Variants in CNTN1 observed in about 807,000 individuals in gnomAD.
CNTN1 encodes the protein contactin 1.
Under a neutral mutation model 126.4 loss-of-function variants are expected in CNTN1, and 38 were observed. The observed-to-expected ratio is 0.30, with a 90% CI of 0.23 to 0.39. The LOEUF is 0.39. Among genes scored for constraint, CNTN1 ranks in the 10% least tolerant of loss-of-function variants. The pLI, the probability that CNTN1 is intolerant of heterozygous loss-of-function variation, is 1.00. For missense variants in CNTN1, 1,009 were observed against 1,248.4 expected (o/e 0.81, Z 2.89); for synonymous variants, 413 against 422.6 (o/e 0.98, Z 0.28).
chr12:40,934,631 G>A (rs993552363), intron 9 of CNTN1, among the ~76,000 whole-genome samples: 5 of 151,668 alleles, frequency 3.3e-5, no homozygotes, highest in African/African-American at 7.3e-5. Context: ...AATATTATTC[G>A]TTTTTAACTC....
chr12:40,893,940 C>T lies in CNTN1; in HGVS notation c.-76-14417C>T, dbSNP rs112056473. Among the ~76,000 whole-genome samples, 710 of 152,186 alleles carry T rather than the reference C, an allele frequency of 4.7e-3. 6 individuals carry two copies. Among genetic ancestry groups the T allele is most frequent in the African/African-American group, 0.013 (531 of 41,524 alleles). ...CGTTCAAAACTAAATTATTGGTCAA[C>T]TCACTTTCCCATCAAAACTCAAGTT... On this transcript the variant is annotated intron_variant, in intron 1 of 23. Coordinates refer to ENST00000551295, the MANE Select transcript of CNTN1 (RefSeq NM_001843.4).
intron 12 of CNTN1, among the ~76,000 whole-genome samples, chr12:40,940,186 G>A (rs754983912): frequency 5.0e-5 from 7 of 139,188 alleles, no homozygotes; most frequent in Non-Finnish European, 8.9e-5. Flanking sequence ...GAGGGTGTAT[G>A]TGAGGGTGTA....
chr12:40,827,869 C>G (rs1223709008), intron 1 of CNTN1, among the ~76,000 whole-genome samples: 2 of 152,106 alleles, frequency 1.3e-5, no homozygotes, highest in Non-Finnish European at 2.9e-5. Context: ...GATTTTAATG[C>G]ATGAATTATG....
chr12:40,974,249 G>A (rs898368878), intron 15 of CNTN1, among the ~76,000 whole-genome samples: 3 of 152,026 alleles, frequency 2.0e-5, no homozygotes, highest in Non-Finnish European at 4.4e-5. Flanking sequence ...GGAATGTATT[G>A]AATATGAATT....
chr12:40,942,081 G>GT (rs1946281184), intron 12 of CNTN1, among the ~76,000 whole-genome samples: 4 of 151,978 alleles, frequency 2.6e-5, no homozygotes, highest in Admixed American at 6.6e-5. Context: ...AATCATCATT[G>GT]TTTTTTCCAC....
chr12:40,896,860 A>C (rs1267086318), intron 1 of CNTN1, among the ~76,000 whole-genome samples: 2 of 152,194 alleles, frequency 1.3e-5, no homozygotes, highest in Admixed American at 6.5e-5. Flanking sequence ...CTGAGGAGAC[A>C]CTTTCCTATA....
At chr12:40,815,424 T>C (rs1941225833) in intron 1 of CNTN1, among the ~76,000 whole-genome samples, 1 of 152,102 alleles carries the variant, frequency 6.6e-6, no homozygotes, top group Non-Finnish European at 1.5e-5. Context: ...GTGAATGGGA[T>C]TTCATTCATA....
chr12:40,870,528 G>T (rs944397626), intron 1 of CNTN1, among the ~76,000 whole-genome samples: 4 of 152,078 alleles, frequency 2.6e-5, no homozygotes, highest in Admixed American at 2.0e-4. Flanking sequence ...ACAGATAATA[G>T]ATTTTCATTT....
At position 40,918,364 on chromosome 12, in the gene CNTN1, C is replaced by T. The variant is rs139721828; in HGVS notation, c.95-275C>T. Among the ~76,000 whole-genome samples, 76 of 152,124 alleles carry T rather than the reference C, an allele frequency of 5.0e-4. 1 individual carries two copies. The highest frequency in any genetic ancestry group is 9.7e-4 in the East Asian group (5 of 5,172). ...AAAACCGAAAGCATATGCGGAGGCT[C>T]AGGGGCATGAAAGCACAGCTTGTTT... On this transcript the variant is annotated intron_variant, in intron 3 of 23. Coordinates refer to ENST00000551295, the MANE Select transcript of CNTN1 (RefSeq NM_001843.4).
intron 9 of CNTN1, among the ~76,000 whole-genome samples, chr12:40,935,873 T>G (rs944709259): frequency 1.3e-5 from 2 of 152,134 alleles, no homozygotes; most frequent in Admixed American, 1.3e-4. Context: ...TTCTAGTTTT[T>G]AAATTTCTAG....
intron 1 of CNTN1, among the ~76,000 whole-genome samples, chr12:40,725,416 A>G (rs1942326241): frequency 1.2e-5 from 1 of 80,842 alleles, no homozygotes; most frequent in African/African-American, 4.4e-5. Flanking sequence ...AAAAAAAAAA[A>G]AAAAAAAGGA....
At chr12:40,735,356 C>A (rs555957379) in intron 1 of CNTN1, among the ~76,000 whole-genome samples, 1 of 152,004 alleles carries the variant, frequency 6.6e-6, no homozygotes, top group East Asian at 1.9e-4. Context: ...AAGAAAGAAA[C>A]GTAACTAGAA....
intron 1 of CNTN1, among the ~76,000 whole-genome samples, chr12:40,761,294 A>T (rs1277337904): frequency 6.6e-6 from 1 of 152,116 alleles, no homozygotes; most frequent in Non-Finnish European, 1.5e-5. Flanking sequence ...TTAGTTAGAC[A>T]CCATTTAATT....
chr12:41,045,126 T>C (rs557403309), intron 23 of CNTN1, among the ~76,000 whole-genome samples: 3 of 152,128 alleles, frequency 2.0e-5, no homozygotes, highest in Middle Eastern at 3.4e-3. Context: ...CTCAAGTGGA[T>C]TGAAAACATC....
At chr12:40,927,732 G>T (rs909181562) in intron 6 of CNTN1, among the ~76,000 whole-genome samples, 1 of 152,100 alleles carries the variant, frequency 6.6e-6, no homozygotes, top group African/African-American at 2.4e-5. Flanking sequence ...CACTTGGAAG[G>T]TACTTAGATT....
intron 1 of CNTN1, among the ~76,000 whole-genome samples, chr12:40,852,742 G>GAA: frequency 6.6e-6 from 1 of 151,640 alleles, no homozygotes; most frequent in African/African-American, 2.4e-5. Flanking sequence ...TCCTACCTCT[G>GAA]AAAAAAATGT....
At chr12:40,827,812 A>G (rs1243665090) in intron 1 of CNTN1, among the ~76,000 whole-genome samples, 3 of 152,204 alleles carry the variant, frequency 2.0e-5, no homozygotes, top group East Asian at 3.9e-4. Context: ...TGAGGTGATC[A>G]ATAGCCCATT....
chr12:40,853,402 T>C (rs1942787084), intron 1 of CNTN1, among the ~76,000 whole-genome samples: 1 of 152,130 alleles, frequency 6.6e-6, no homozygotes, highest in African/African-American at 2.4e-5. Flanking sequence ...GACTGGATTT[T>C]TGTTGAATGA....
intron 12 of CNTN1, among the ~76,000 whole-genome samples, chr12:40,943,230 T>C (rs1420791558): frequency 1.3e-5 from 2 of 152,140 alleles, no homozygotes; most frequent in African/African-American, 4.8e-5. Context: ...TCTGTAGCCA[T>C]GGAAATGGCA....
Sources: gnomAD v4.1 joint callset for allele counts (sites outside exome capture counted in the v4.1 genomes callset) on GRCh38, gnomAD v4.1.1 for gene constraint, MANE v1.5 for transcripts, NCBI Gene and HGNC (gene_info 2026-07-23, HGNC 2026-07-21) for gene names.